The following GSG1L variants were observed in gnomAD, a reference collection of about 807,000 sequenced individuals.
GSG1L encodes the protein germ cell-specific gene 1-like protein.
Under a neutral mutation model 42.1 loss-of-function variants are expected in GSG1L, and 24 were observed. That is an observed-to-expected ratio of 0.57 (90% CI 0.41 to 0.80). The LOEUF (loss-of-function observed/expected upper bound fraction) is 0.80, where lower values mean the gene tolerates loss of function less well. GSG1L is among the 30% of genes least tolerant of loss of function. The pLI is 0.00. For missense variants in GSG1L, 445 were observed against 472.2 expected, an observed-to-expected ratio of 0.94 and a Z score of 0.53; for synonymous variants, 215 against 203.5, an observed-to-expected ratio of 1.06 and a Z score of -0.48.
chr16:27,947,715 G>T (rs2084900808), intron 2 of GSG1L, among the ~76,000 whole-genome samples: 1 of 152,102 alleles, frequency 6.6e-6, no homozygotes, highest in Admixed American at 6.5e-5. Flanking sequence ...AAGGGAAGTT[G>T]CCCCAGAGAC....
chr16:28,018,604 G>A (rs2085805708), intron 1 of GSG1L, among the ~76,000 whole-genome samples: 1 of 152,108 alleles, frequency 6.6e-6, no homozygotes. Context: ...TCCCTTTTCA[G>A]TCTCCTTGTC....
At chr16:28,027,155 C>T (rs955787913) in intron 1 of GSG1L, among the ~76,000 whole-genome samples, 4 of 152,174 alleles carry the variant, frequency 2.6e-5, no homozygotes, top group African/African-American at 9.6e-5. Flanking sequence ...TGTCATTTTT[C>T]ACTCTCCATC....
intron 6 of GSG1L, among the ~76,000 whole-genome samples, chr16:27,797,151 T>G (rs72780141): frequency 0.17 from 25,808 of 152,194 alleles, 2,225 homozygotes; most frequent in African/African-American, 0.21. Flanking sequence ...CTGCTGAGAC[T>G]TGAATCTAGC....
chr16:27,905,812 C>T (rs549150175), intron 2 of GSG1L, among the ~76,000 whole-genome samples: 1 of 152,238 alleles, frequency 6.6e-6, no homozygotes, highest in East Asian at 1.9e-4. Context: ...GAATCTCTAT[C>T]TTATTACTAG....
chr16:27,832,983 T>C (rs1424047561), intron 4 of GSG1L, among the ~76,000 whole-genome samples: 1 of 152,224 alleles, frequency 6.6e-6, no homozygotes. Context: ...ATTACATTAA[T>C]CCATTTTTCC....
At chr16:27,818,693 G>A (rs1050427860) in intron 5 of GSG1L, among the ~76,000 whole-genome samples, 1 of 152,084 alleles carries the variant, frequency 6.6e-6, no homozygotes, top group Non-Finnish European at 1.5e-5. Context: ...AAGGAATTTT[G>A]GGCAAATAAA....
chr16:27,793,114 A>T (rs2144386942), intron 6 of GSG1L, among the ~76,000 whole-genome samples: 1 of 152,340 alleles, frequency 6.6e-6, no homozygotes, highest in African/African-American at 2.4e-5. Flanking sequence ...TTCCTAGTGA[A>T]GCCAAGCTCC....
chr16:27,838,566 C>G (rs1475018775), intron 4 of GSG1L, among the ~76,000 whole-genome samples: 1 of 152,128 alleles, frequency 6.6e-6, no homozygotes, highest in Non-Finnish European at 1.5e-5. Flanking sequence ...CTGGGAGCAG[C>G]AGGGGCAGAG....
At chr16:27,797,890 G>A (rs955346338) in intron 6 of GSG1L, among the ~76,000 whole-genome samples, 2 of 150,918 alleles carry the variant, frequency 1.3e-5, no homozygotes, top group Non-Finnish European at 2.9e-5. Flanking sequence ...AACATGGGTA[G>A]AGCTGGAGGC....
chr16:27,962,979 A>G (rs1232863503), intron 2 of GSG1L, among the ~76,000 whole-genome samples, 177 bp downstream of exon 2: 2 of 151,630 alleles, frequency 1.3e-5, no homozygotes, highest in African/African-American at 2.4e-5. Context: ...AGCCTCTCCC[A>G]CTCCACTGAG....
intron 3 of GSG1L, among the ~76,000 whole-genome samples, chr16:27,878,775 C>T (rs983827485): frequency 3.2e-4 from 49 of 152,144 alleles, no homozygotes; most frequent in Admixed American, 3.1e-3. Context: ...TAGGTAAAAA[C>T]GGTAAGGAGG....
rs1048984701 is a variant in GSG1L, at chr16:27,787,841, G to C, written c.*3529C>G. 1 of 152,200 alleles carries C rather than the reference G, an allele frequency of 6.6e-6. No homozygotes were observed. Among genetic ancestry groups the C allele is most frequent in the Non-Finnish European group, 1.5e-5 (1 of 68,048 alleles). 9.4% of individuals were successfully genotyped at this position (152,200 alleles called of 1,614,324 possible). Reference sequence around the variant, plus strand: ...CCAGGGCTAGATCCCTGTCAGATCTGTCCCTGCCCAGGCCCATATATGGCA... The same window carrying C: ...CCAGGGCTAGATCCCTGTCAGATCTCTCCCTGCCCAGGCCCATATATGGCA... On this transcript the variant is annotated 3_prime_UTR_variant, in exon 7 of 7. Transcript: ENST00000447459.
intron 2 of GSG1L, among the ~76,000 whole-genome samples, chr16:27,929,808 C>G (rs7197123): frequency 0.67 from 101,538 of 151,918 alleles, 34,343 homozygotes; most frequent in Admixed American, 0.75. Flanking sequence ...ATACCCCAGG[C>G]CAACCAGCAT....
intron 1 of GSG1L, among the ~76,000 whole-genome samples, chr16:27,976,267 C>T (rs1318381326): frequency 6.6e-6 from 1 of 152,228 alleles, no homozygotes; most frequent in East Asian, 1.9e-4. Flanking sequence ...AAGAGCAAAA[C>T]TCCATCTCAA....
At chr16:27,811,269 C>CT (rs1567464993) in intron 5 of GSG1L, among the ~76,000 whole-genome samples, 2 of 152,234 alleles carry the variant, frequency 1.3e-5, no homozygotes, top group South Asian at 4.1e-4. Context: ...TCTCACCCAC[C>CT]TTTTTTTCTT....
chr16:27,862,889 T>C (rs2083670831), intron 3 of GSG1L, among the ~76,000 whole-genome samples: 1 of 152,198 alleles, frequency 6.6e-6, no homozygotes, highest in Admixed American at 6.5e-5. Flanking sequence ...TTGTTTATGT[T>C]CTATATGTGT....
chr16:27,865,576 C>T (rs12921566), intron 3 of GSG1L, among the ~76,000 whole-genome samples: 999 of 21,196 alleles, frequency 0.047, 65 homozygotes, highest in African/African-American at 0.29. Context: ...TATATATACA[C>T]ACACACATAC....
rs541164012 is a variant in GSG1L, at chr16:28,038,191, G to C, written c.349+24885C>G. Among the ~76,000 whole-genome samples the C allele has an allele frequency of 2.6e-5, 4 of 152,252 alleles. No individual in the cohort carries two copies. The East Asian group carries it at 5.8e-4, about 22-fold the overall frequency. ...GGATCTTGCTCTGTTGCCCAGGATGGTCTGTAACTCCTGGGCTCAAGTGAT... is the reference window on the plus strand; with the variant it reads ...GGATCTTGCTCTGTTGCCCAGGATGCTCTGTAACTCCTGGGCTCAAGTGAT... On this transcript the variant is annotated intron_variant, in intron 1 of 6. Coordinates refer to ENST00000447459, the MANE Select transcript of GSG1L (RefSeq NM_001109763.2).
intron 1 of GSG1L, among the ~76,000 whole-genome samples, chr16:27,972,312 A>T (rs1055217163): frequency 6.6e-6 from 1 of 152,256 alleles, no homozygotes; most frequent in African/African-American, 2.4e-5. Context: ...AGATGACATG[A>T]GGAACACAGG....
Sources: gnomAD v4.1 joint callset for allele counts (sites outside exome capture counted in the v4.1 genomes callset) on GRCh38, gnomAD v4.1.1 for gene constraint, MANE v1.5 for transcripts, NCBI Gene and HGNC (gene_info 2026-07-23, HGNC 2026-07-21) for gene names.